Variants in ANKRD29 observed in about 807,000 individuals in gnomAD.
The protein encoded by ANKRD29 is ankyrin repeat domain 29, also known as ankyrin repeat domain-containing protein 29.
A neutral mutation model predicts 38.0 loss-of-function variants in ANKRD29; 32 were observed. That is an observed-to-expected ratio of 0.84 (90% CI 0.64 to 1.13). The LOEUF is 1.13. ANKRD29 is among the 50% of genes most tolerant of loss of function. ANKRD29 has a pLI of 0.00. For missense variants in ANKRD29, 357 were observed against 377.9 expected (o/e 0.94, Z 0.46); for synonymous variants, 135 against 152.4 (o/e 0.89, Z 0.84).
rs909261119 is a variant in ANKRD29 at position 23,600,987 on chromosome 18, C to G, written c.*239G>C. The G allele has an allele frequency of 1.1e-5, 4 of 371,064 alleles. No individual in the cohort carries two copies. In the East Asian group the frequency reaches 1.4e-4, roughly 13 times the overall value. The allele number at this position is 371,064 out of a possible 1,614,324, so 23.0% of individuals were successfully genotyped here. On this transcript the variant is annotated 3_prime_UTR_variant, in exon 10 of 10. Transcript: ENST00000592179. ...GAATCTGTGAACATGCCAGGCCCCC[C>G]GGGAGATGAGTTACAGGACACCATG...
At chr18:23,633,948 T>G (rs1283953543) in intron 5 of ANKRD29, 103 bp downstream of exon 5, 7 of 1,133,272 alleles carry the variant, frequency 6.2e-6, no homozygotes, top group Non-Finnish European at 9.2e-6. Context: ...AGTCCTACTG[T>G]CCATTAAAGT....
At chr18:23,662,464 C>G (rs1853878637) in intron 1 of ANKRD29, among the ~76,000 whole-genome samples, 1 of 152,140 alleles carries the variant, frequency 6.6e-6, no homozygotes, top group South Asian at 2.1e-4. Flanking sequence ...CAGACTCAGC[C>G]GATCCACAGC....
intron 8 of ANKRD29, among the ~76,000 whole-genome samples, chr18:23,615,059 TTGCC>T (rs2059693773): frequency 2.0e-5 from 3 of 152,214 alleles, no homozygotes; most frequent in African/African-American, 7.2e-5. Flanking sequence ...TTTCACTCCG[TTGCC>T]CTGGCAGAAG....
At chr18:23,619,079 C>A (rs763642969) in intron 7 of ANKRD29, among the ~76,000 whole-genome samples, 9 of 152,184 alleles carry the variant, frequency 5.9e-5, no homozygotes, top group Non-Finnish European at 1.0e-4. Context: ...CACACAAAGG[C>A]AGTATTAGGT....
intron 3 of ANKRD29, among the ~76,000 whole-genome samples, chr18:23,644,506 T>G (rs897250604): frequency 2.6e-5 from 4 of 152,240 alleles, no homozygotes; most frequent in Non-Finnish European, 5.9e-5. Flanking sequence ...AACAACGATC[T>G]AGTGTTATGG....
intron 6 of ANKRD29, among the ~76,000 whole-genome samples, chr18:23,623,718 C>G (rs1046307310): frequency 6.6e-6 from 1 of 152,020 alleles, no homozygotes; most frequent in Non-Finnish European, 1.5e-5. Context: ...TCTTGGCTCA[C>G]TGCAAGCTCC....
At chr18:23,617,087 C>T (rs1204378084) in intron 8 of ANKRD29, among the ~76,000 whole-genome samples, 1 of 151,882 alleles carries the variant, frequency 6.6e-6, no homozygotes, top group Non-Finnish European at 1.5e-5. Flanking sequence ...GTGGTGGCAG[C>T]GTGCCTGTAA....
rs762287146 is a variant in ANKRD29 at position 23,662,757 on chromosome 18, G to T, written c.-27C>A. 1.4e-6 allele frequency: 2 copies of T among 1,457,864 alleles called. No homozygotes were observed. Among genetic ancestry groups the T allele is most frequent in the South Asian group, 2.6e-5 (2 of 75,830 alleles). The allele number at this position is 1,457,864 out of a possible 1,614,324, so 90.3% of individuals were successfully genotyped here. A position where few individuals can be genotyped will look rare whatever the true frequency, so the allele number is the denominator to read the frequency against. On this transcript the variant is annotated 5_prime_UTR_variant, in exon 1 of 10. Coordinates refer to ENST00000592179, the MANE Select transcript of ANKRD29 (RefSeq NM_173505.4). The stretch of plus-strand genomic sequence containing the variant: ...TCCGCGGCCGCCCGAGCGGGAGCCG[G>T]CGCGCTTTGGGCCCGGGGCGCCTTG...
intron 3 of ANKRD29, among the ~76,000 whole-genome samples, chr18:23,639,857 C>G (rs537130428): frequency 2.6e-5 from 4 of 152,226 alleles, no homozygotes; most frequent in African/African-American, 9.6e-5. Context: ...CTAAAGTAGT[C>G]AGAGTTATAG....
At chr18:23,612,065 C>A in intron 9 of ANKRD29, 27 bp downstream of exon 9, 1 of 1,605,324 alleles carries the variant, frequency 6.2e-7, no homozygotes, top group Admixed American at 1.7e-5. Flanking sequence ...TGGGCCCAAA[C>A]GAGTTAAAAG....
chr18:23,607,437 G>A (rs1427053116), intron 9 of ANKRD29, among the ~76,000 whole-genome samples: 3 of 152,146 alleles, frequency 2.0e-5, no homozygotes, highest in Non-Finnish European at 4.4e-5. Flanking sequence ...AAGCAGACTG[G>A]CAGGTAGTTA....
At chr18:23,643,338 G>A (rs971328050) in intron 3 of ANKRD29, among the ~76,000 whole-genome samples, 1 of 152,176 alleles carries the variant, frequency 6.6e-6, no homozygotes, top group South Asian at 2.1e-4. Flanking sequence ...ATGATGCTGG[G>A]TTCCGGAAAC....
At chr18:23,607,673 G>A (rs1261954476) in intron 9 of ANKRD29, among the ~76,000 whole-genome samples, 2 of 152,206 alleles carry the variant, frequency 1.3e-5, no homozygotes, top group South Asian at 2.1e-4. Context: ...TTCCCTCCCC[G>A]TTAGTCCCCA....
At chr18:23,649,476 T>C (rs939263551) in intron 1 of ANKRD29, 6 of 642,314 alleles carry the variant, frequency 9.3e-6, no homozygotes, top group Admixed American at 4.2e-5. Flanking sequence ...TCTGTTGTGT[T>C]TTTGTTCACC....
At chr18:23,634,285 T>TGG in intron 4 of ANKRD29, 136 bp from the exon 5 acceptor site, 1 of 127,378 alleles carries the variant, frequency 7.9e-6, no homozygotes, top group Non-Finnish European at 2.4e-5. Context: ...CCTGTTTTTT[T>TGG]TTTTTTTTTT....
At chr18:23,615,520 C>A (rs1039796892) in intron 8 of ANKRD29, among the ~76,000 whole-genome samples, 3 of 151,956 alleles carry the variant, frequency 2.0e-5, no homozygotes, top group African/African-American at 7.3e-5. Flanking sequence ...GCCATCCTCC[C>A]ACCTCAGCCT....
intron 1 of ANKRD29, among the ~76,000 whole-genome samples, chr18:23,651,097 G>A (rs1407497035): frequency 6.6e-6 from 1 of 152,188 alleles, no homozygotes; most frequent in African/African-American, 2.4e-5. Context: ...AAGGACAGTG[G>A]CAGCAGTATT....
intron 1 of ANKRD29, 83 bp downstream of exon 1, chr18:23,662,627 A>AAG: frequency 1.8e-5 from 1 of 54,444 alleles, no homozygotes; most frequent in Non-Finnish European, 3.3e-5. Flanking sequence ...ACCCCATCCC[A>AAG]CCCCATCCCA....
intron 1 of ANKRD29, among the ~76,000 whole-genome samples, chr18:23,661,687 C>G (rs2060363841): frequency 6.6e-6 from 1 of 152,166 alleles, no homozygotes; most frequent in Admixed American, 6.6e-5. Flanking sequence ...CCAGCCTGGG[C>G]AACAAGAGCA....
Sources: allele counts gnomAD v4.1 joint callset (sites outside exome capture counted in the v4.1 genomes callset), GRCh38; gene constraint gnomAD v4.1.1; transcripts MANE v1.5; gene names NCBI Gene and HGNC (gene_info 2026-07-23, HGNC 2026-07-21).